Variants in MTHFD1L observed in about 807,000 individuals in gnomAD.
The protein encoded by MTHFD1L is monofunctional C1-tetrahydrofolate synthase, mitochondrial.
MTHFD1L carries 81 observed loss-of-function variants against 119.5 expected under a neutral mutation model. That is an observed-to-expected ratio of 0.68 (90% CI 0.57 to 0.82). The LOEUF is 0.82. Ranked by LOEUF, MTHFD1L falls within the 40% of genes least tolerant of loss-of-function variation. MTHFD1L has a pLI of 0.00. For missense variants in MTHFD1L, 1,125 were observed against 1,253.4 expected (o/e 0.90, Z 1.55); for synonymous variants, 430 against 475.2 (o/e 0.90, Z 1.24).
intron 20 of MTHFD1L, among the ~76,000 whole-genome samples, chr6:151,000,163 C>T (rs1349680753): frequency 1.3e-5 from 2 of 151,982 alleles, no homozygotes; most frequent in Non-Finnish European, 2.9e-5. Context: ...ATGGTGAAAC[C>T]CCGTCTCTAC....
At chr6:150,976,099 C>T (rs1171354247) in intron 20 of MTHFD1L, among the ~76,000 whole-genome samples, 1 of 152,160 alleles carries the variant, frequency 6.6e-6, no homozygotes, top group Non-Finnish European at 1.5e-5. Context: ...ACTCAGGAGG[C>T]TGAGGCAGGA....
chr6:150,965,609 T>C (rs1470226885), intron 19 of MTHFD1L, among the ~76,000 whole-genome samples: 2 of 150,070 alleles, frequency 1.3e-5, no homozygotes, highest in Non-Finnish European at 3.0e-5. Flanking sequence ...TGCAGTGAGC[T>C]GAGATCGCAC....
intron 8 of MTHFD1L, among the ~76,000 whole-genome samples, chr6:150,906,367 G>T (rs1785906330): frequency 6.6e-6 from 1 of 152,206 alleles, no homozygotes; most frequent in African/African-American, 2.4e-5. Flanking sequence ...GCCCACTTTG[G>T]GGGCAGCCCA....
At chr6:150,927,141 T>G (rs1337441181) in intron 11 of MTHFD1L, among the ~76,000 whole-genome samples, 1 of 152,204 alleles carries the variant, frequency 6.6e-6, no homozygotes, top group Non-Finnish European at 1.5e-5. Context: ...ATGTAAGTGC[T>G]TTTTTCTTTA....
chr6:150,910,841 A>G (rs1390177207), intron 8 of MTHFD1L, among the ~76,000 whole-genome samples: 1 of 152,172 alleles, frequency 6.6e-6, no homozygotes, highest in Non-Finnish European at 1.5e-5. Context: ...CACAATATAC[A>G]TTTATATTTG....
At chr6:150,929,060 TC>T (rs1472513603) in intron 11 of MTHFD1L, among the ~76,000 whole-genome samples, 2 of 152,130 alleles carry the variant, frequency 1.3e-5, no homozygotes, top group African/African-American at 2.4e-5. Flanking sequence ...GTGGGAAAGT[TC>T]CTGGCTGAGG....
chr6:151,022,456 A>T (rs781203881), intron 24 of MTHFD1L: 31 of 172,362 alleles, frequency 1.8e-4, no homozygotes, highest in Non-Finnish European at 3.0e-4. Flanking sequence ...TTACATGTAT[A>T]GTCTGTGGCA....
intron 13 of MTHFD1L, among the ~76,000 whole-genome samples, chr6:150,942,247 G>A (rs761707700): frequency 2.0e-5 from 3 of 152,170 alleles, no homozygotes; most frequent in Non-Finnish European, 2.9e-5. Context: ...CAACAAGAGC[G>A]AGACTCCGTC....
At chr6:150,948,355 T>C (rs145935742) in intron 15 of MTHFD1L, among the ~76,000 whole-genome samples, 1,711 of 152,116 alleles carry the variant, frequency 0.011, 35 homozygotes, top group African/African-American at 0.039. Context: ...AGTCTTGCTC[T>C]GTCACTCAGG....
chr6:151,091,039 G>A (rs1794361833), intron 26 of MTHFD1L, among the ~76,000 whole-genome samples: 1 of 137,780 alleles, frequency 7.3e-6, no homozygotes, highest in Non-Finnish European at 1.6e-5. Flanking sequence ...ACTGGGTGCA[G>A]CATCGCCCCA....
At chr6:150,900,039 A>C (rs1233506201) in intron 7 of MTHFD1L, among the ~76,000 whole-genome samples, 1 of 149,124 alleles carries the variant, frequency 6.7e-6, no homozygotes, top group African/African-American at 2.4e-5. Context: ...TTTTATATAT[A>C]TAAATGAATA....
chr6:150,952,202 A>T (rs1794964282), intron 16 of MTHFD1L, among the ~76,000 whole-genome samples: 1 of 152,242 alleles, frequency 6.6e-6, no homozygotes, highest in Non-Finnish European at 1.5e-5. Flanking sequence ...TGAAGTAAAG[A>T]AAACTTTATT....
chr6:150,923,516 T>TATTC (rs1363666149), intron 10 of MTHFD1L, among the ~76,000 whole-genome samples: 1 of 110,996 alleles, frequency 9.0e-6, no homozygotes, highest in Admixed American at 8.5e-5. Context: ...ACACTTTATT[T>TATTC]ATTTATTTAT....
At chr6:151,090,491 T>C (rs1022915943) in intron 26 of MTHFD1L, among the ~76,000 whole-genome samples, 1 of 152,236 alleles carries the variant, frequency 6.6e-6, no homozygotes, top group Non-Finnish European at 1.5e-5. Context: ...GTAATGCCCA[T>C]GCACAGGCCC....
At chr6:150,945,763 C>T (rs1306333636) in intron 15 of MTHFD1L, among the ~76,000 whole-genome samples, 4 of 151,922 alleles carry the variant, frequency 2.6e-5, no homozygotes, top group Non-Finnish European at 4.4e-5. Flanking sequence ...ATTAATTAAC[C>T]TTTTTTGGTC....
chr6:150,927,458 T>C (rs1325649520), intron 11 of MTHFD1L, among the ~76,000 whole-genome samples: 4 of 97,666 alleles, frequency 4.1e-5, no homozygotes, highest in African/African-American at 2.1e-4. Flanking sequence ...CCAGATTCTT[T>C]TTTTTTTTTT....
chr6:150,981,649 A>G (rs544089507), intron 20 of MTHFD1L, among the ~76,000 whole-genome samples: 55 of 152,366 alleles, frequency 3.6e-4, no homozygotes, highest in African/African-American at 1.1e-3. Context: ...GAAAGCAGCC[A>G]TAGGTAAAGC....
chr6:151,005,815 TTAGC>T (rs1554277844), intron 20 of MTHFD1L, among the ~76,000 whole-genome samples: 1 of 152,142 alleles, frequency 6.6e-6, no homozygotes, highest in South Asian at 2.1e-4. Context: ...GAAATTAAGC[TTAGC>T]TAGCCTGTGT....
At chr6:150,932,814 G>C in intron 11 of MTHFD1L, among the ~76,000 whole-genome samples, 1 of 89,420 alleles carries the variant, frequency 1.1e-5, no homozygotes, top group South Asian at 3.2e-4. Context: ...AAGAGAGGGA[G>C]GGAGGAAGGA....
Sources: allele counts gnomAD v4.1 joint callset (sites outside exome capture counted in the v4.1 genomes callset), GRCh38; gene constraint gnomAD v4.1.1; transcripts MANE v1.5; gene names NCBI Gene and HGNC (gene_info 2026-07-23, HGNC 2026-07-21).